Variants in CELF2 observed in about 807,000 individuals in gnomAD.
CELF2 encodes the protein CUGBP Elav-like family member 2, also known as CUG triplet repeat RNA-binding protein 2.
CELF2 carries 8 observed loss-of-function variants against 62.6 expected under a neutral mutation model. The observed-to-expected ratio is 0.13, with a 90% CI of 0.07 to 0.23. The LOEUF is 0.23. Ranked by LOEUF, CELF2 falls within the 10% of genes least tolerant of loss-of-function variation. The probability of loss-of-function intolerance (pLI) is 1.00; values close to 1 mark genes in which losing one functional copy is unlikely to be tolerated. For missense variants in CELF2, 333 were observed against 671.0 expected, an observed-to-expected ratio of 0.50 and a Z score of 5.56; for synonymous variants, 258 against 250.0, an observed-to-expected ratio of 1.03 and a Z score of -0.30.
intron 1 of CELF2, among the ~76,000 whole-genome samples, chr10:11,060,910 C>G (rs552298261): frequency 3.3e-5 from 5 of 152,322 alleles, no homozygotes; most frequent in Non-Finnish European, 7.4e-5. Flanking sequence ...GTGTGAAGTG[C>G]TGCCATTCTC....
intron 2 of CELF2, among the ~76,000 whole-genome samples, chr10:11,189,950 T>C (rs1019175734): frequency 6.6e-6 from 1 of 152,250 alleles, no homozygotes; most frequent in Non-Finnish European, 1.5e-5. Flanking sequence ...CCTACAGATT[T>C]GTTAACTGGA....
chr10:10,698,934 A>G, the CELF2 span, among the ~76,000 whole-genome samples: 2 of 152,158 alleles, frequency 1.3e-5, no homozygotes, highest in African/African-American at 4.8e-5. Context: ...AGGTAAATAT[A>G]TAATATACTC....
the CELF2 span, among the ~76,000 whole-genome samples, chr10:10,467,238 T>C: frequency 2.0e-5 from 3 of 152,106 alleles, no homozygotes; most frequent in Non-Finnish European, 2.9e-5. Context: ...AGTTATATCA[T>C]GCATTTTGAG....
At chr10:10,596,661 G>C in the CELF2 span, among the ~76,000 whole-genome samples, 1 of 152,102 alleles carries the variant, frequency 6.6e-6, no homozygotes, top group African/African-American at 2.4e-5. Context: ...TGGGGTGAGC[G>C]CCTGCAGGGC....
chr10:11,165,758 C>T lies in CELF2; in HGVS notation c.271+76C>T, dbSNP rs2066901123. On this transcript the variant is annotated intron_variant, in intron 2 of 12. Coordinates refer to ENST00000633077, the MANE Select transcript of CELF2 (RefSeq NM_001326342.2). This position sits in a 1 kb window ranked among gnomAD's most constrained non-coding sequence, Gnocchi z 7.4. ...GCACTGGGGCTGTCCGAGCCCCCAG[C>T]CTGCAGGAGGAAGGGCGGGTAGGCA... 3.6e-6 allele frequency: 5 copies of T among 1,372,710 alleles called. 1 individual carries two copies. The highest frequency in any genetic ancestry group is 4.9e-4 in the Middle Eastern group (2 of 4,114). The allele number at this position is 1,372,710 out of a possible 1,614,324, so 85.0% of individuals were successfully genotyped here.
chr10:11,168,533 T>C (rs983410609), intron 2 of CELF2, among the ~76,000 whole-genome samples: 1 of 152,206 alleles, frequency 6.6e-6, no homozygotes, highest in Non-Finnish European at 1.5e-5. Flanking sequence ...TTTACTTTGA[T>C]TCAGACTTTG....
At chr10:10,730,860 C>G in the CELF2 span, among the ~76,000 whole-genome samples, 1 of 152,184 alleles carries the variant, frequency 6.6e-6, no homozygotes, top group Admixed American at 6.5e-5. Context: ...TTGATGCCAG[C>G]TCCCCAGTCA....
chr10:10,961,526 C>G (rs2049498958), intron 2 of CELF2, among the ~76,000 whole-genome samples: 1 of 151,724 alleles, frequency 6.6e-6, no homozygotes, highest in Non-Finnish European at 1.5e-5. Context: ...GTGAGCGGAT[C>G]ACGTGAGGTC....
the CELF2 span, among the ~76,000 whole-genome samples, chr10:10,605,458 A>G: frequency 6.6e-6 from 1 of 152,196 alleles, no homozygotes; most frequent in African/African-American, 2.4e-5. Flanking sequence ...CATAACTCCT[A>G]CTATCCAATA....
intron 1 of CELF2, among the ~76,000 whole-genome samples, chr10:11,082,423 C>T (rs1487802588): frequency 1.3e-5 from 2 of 152,166 alleles, no homozygotes; most frequent in Non-Finnish European, 2.9e-5. Context: ...AGCTGTTCAA[C>T]AGAAACGTAC....
At chr10:10,962,914 T>C (rs755332357) in intron 2 of CELF2, among the ~76,000 whole-genome samples, 5 of 152,250 alleles carry the variant, frequency 3.3e-5, no homozygotes, top group Non-Finnish European at 7.3e-5. Flanking sequence ...ATATATTGCT[T>C]ATGCTTTAGG....
intron 1 of CELF2, among the ~76,000 whole-genome samples, chr10:11,094,336 A>G (rs2049170492): frequency 6.6e-6 from 1 of 152,226 alleles, no homozygotes; most frequent in Admixed American, 6.5e-5. Flanking sequence ...GTTTGTCCAA[A>G]TTAGCCGTGG....
intron 1 of CELF2, among the ~76,000 whole-genome samples, chr10:10,870,258 A>G (rs1425281227): frequency 6.6e-6 from 1 of 152,132 alleles, no homozygotes; most frequent in Non-Finnish European, 1.5e-5. Flanking sequence ...ATTTAGGGAC[A>G]TTTGGTATAT....
chr10:11,277,490 G>T (rs1263839080), intron 8 of CELF2, among the ~76,000 whole-genome samples: 1 of 152,160 alleles, frequency 6.6e-6, no homozygotes, highest in African/African-American at 2.4e-5. Context: ...GCATGGCCCC[G>T]TGGCTGATAG....
At chr10:11,326,700 C>G (rs1040004754) in intron 12 of CELF2, among the ~76,000 whole-genome samples, 1 of 152,044 alleles carries the variant, frequency 6.6e-6, no homozygotes, top group Non-Finnish European at 1.5e-5. Flanking sequence ...TTTTTCAAAC[C>G]CTATTGGCCC....
At chr10:10,755,535 T>G in the CELF2 span, among the ~76,000 whole-genome samples, 1 of 152,286 alleles carries the variant, frequency 6.6e-6, no homozygotes, top group African/African-American at 2.4e-5. Flanking sequence ...TGCTTCCTCC[T>G]CAGATTGGTC....
the CELF2 span, chr10:10,792,420 TC>T: frequency 1.8e-5 from 7 of 398,442 alleles, no homozygotes; most frequent in South Asian, 8.9e-4. Context: ...AGGAATTCCA[TC>T]TCTATGAGCA....
At chr10:10,854,280 G>A (rs2059573888) in intron 1 of CELF2, among the ~76,000 whole-genome samples, 2 of 152,210 alleles carry the variant, frequency 1.3e-5, no homozygotes, top group South Asian at 4.1e-4. Flanking sequence ...CAATTTGGGG[G>A]AAGGGTGCTT....
chr10:11,123,084 G>C, intron 1 of CELF2, among the ~76,000 whole-genome samples: 1 of 150,714 alleles, frequency 6.6e-6, no homozygotes, highest in East Asian at 1.9e-4. Flanking sequence ...AGTTCCTCCC[G>C]GTCCTCAGTC....
Sources: allele counts gnomAD v4.1 joint callset (sites outside exome capture counted in the v4.1 genomes callset), GRCh38; gene constraint gnomAD v4.1.1; non-coding constraint Gnocchi (gnomAD v3.1); transcripts MANE v1.5; gene names NCBI Gene and HGNC (gene_info 2026-07-23, HGNC 2026-07-21).